Variants in A2M observed in about 807,000 individuals in gnomAD.
A2M encodes C3 and PZP-like alpha-2-macroglobulin domain-containing protein 5.
A2M carries 128 observed loss-of-function variants against 183.9 expected under a neutral mutation model. That is an observed-to-expected ratio of 0.70 (90% CI 0.60 to 0.81). The LOEUF (loss-of-function observed/expected upper bound fraction) is 0.81, where lower values mean the gene tolerates loss of function less well. Among genes scored for constraint, A2M ranks in the 30% least tolerant of loss-of-function variants. A2M has a pLI of 0.00. For synonymous variants in A2M, 592 were observed against 670.8 expected (o/e 0.88, Z 1.81); for missense variants, 1,495 against 1,787.6 (o/e 0.84, Z 2.95).
intron 34 of A2M, 130 bp from the exon 35 acceptor site, chr12:9,068,354 G>T: frequency 2.2e-6 from 2 of 916,352 alleles, no homozygotes; most frequent in Non-Finnish European, 3.3e-6. Flanking sequence ...AGAAACATAA[G>T]CATCATTCAT....
intron 19 of A2M, 33 bp from the exon 20 acceptor site, chr12:9,090,515 G>A: frequency 6.2e-7 from 1 of 1,608,002 alleles, no homozygotes. Flanking sequence ...GAGTAGAGAG[G>A]GAAGGAGAAC....
chr12:9,097,637 T>C (rs1007795058), intron 15 of A2M, among the ~76,000 whole-genome samples: 1 of 149,602 alleles, frequency 6.7e-6, no homozygotes, highest in Non-Finnish European at 1.5e-5. Flanking sequence ...TAATTCTTTT[T>C]TTTTTTTTTT....
At chr12:9,115,562 C>A in intron 1 of A2M, 1 of 515,744 alleles carries the variant, frequency 1.9e-6, no homozygotes, top group South Asian at 2.3e-5. Flanking sequence ...GAAGGCTTTG[C>A]ATATTAGAGC....
rs767820796 is a variant in A2M, at chr12:9,085,952, T to C, written c.2770+3248A>G. ...CTACCAAGACTGAATCATGAAGAAA[T>C]AGAAAATCTGAACTGACAAATAATG... On this transcript the variant is annotated intron_variant, in intron 22 of 35. Coordinates refer to ENST00000318602, the MANE Select transcript of A2M (RefSeq NM_000014.6). 2.0e-5 allele frequency among the ~76,000 whole-genome samples: 3 copies of C among 152,166 alleles called. No homozygotes were observed. The South Asian group carries it at 6.2e-4, about 32-fold the overall frequency.
intron 1 of A2M, chr12:9,115,112 CATT>C (rs71453670): frequency 0.36 from 53,943 of 151,830 alleles, 10,009 homozygotes; most frequent in African/African-American, 0.41. Flanking sequence ...ACAATTGCAT[CATT>C]GTTACCACTT....
Position 9,076,839 on chromosome 12 carries a change from A to C in A2M, c.3449T>G (p.Leu1150Arg). 1 of 1,614,064 alleles carries C rather than the reference A, an allele frequency of 6.2e-7. No homozygotes were observed. The highest frequency in any genetic ancestry group is 8.5e-7 in the Non-Finnish European group (1 of 1,179,984). The change falls in exon 28 of 36, where the codon CTG (leucine) becomes CGG (arginine). Residue 1150 changes from leucine to arginine, a missense_variant. Coordinates refer to ENST00000318602, the MANE Select transcript of A2M (RefSeq NM_000014.6). ...HGSHVYTKALLAYAFALAGNQ... is the reference protein window; with the variant it reads ...HGSHVYTKALRAYAFALAGNQ... Reference sequence around the variant, plus strand: ...ACCTGCCAGGGCAAAAGCATAGGCCAGCAGTGCTTTGGTATATACATGGCT... The same window carrying C: ...ACCTGCCAGGGCAAAAGCATAGGCCCGCAGTGCTTTGGTATATACATGGCT...
In A2M at chr12:9,090,379, C is replaced by G; in HGVS notation, c.2573G>C (p.Trp858Ser). Residue 858 changes from tryptophan (W) to serine (S), a missense_variant, in exon 20 of 36, where the codon TGG becomes TCG. By Grantham distance (177) the Trp-to-Ser change is radical (BLOSUM62 -3). Coordinates refer to ENST00000318602, the MANE Select transcript of A2M (RefSeq NM_000014.6). ...ACCTAATGACTTTGGGGTTACTGCCCAGGACACAGTTTGCCGCCCGTTTGC... is the reference window on the plus strand; with the variant it reads ...ACCTAATGACTTTGGGGTTACTGCCGAGGACACAGTTTGCCGCCCGTTTGC... Reference protein sequence around the residue: ...ICANGRQTVSWAVTPKSLGNV... With the variant: ...ICANGRQTVSSAVTPKSLGNV... The G allele has an allele frequency of 6.2e-7, 1 of 1,613,970 alleles. No individual in the cohort carries two copies. Among genetic ancestry groups the G allele is most frequent in the Non-Finnish European group, 8.5e-7 (1 of 1,179,884 alleles).
rs1949203543 is a variant in A2M at position 9,091,246 on chromosome 12, G to A, written c.2424C>T (p.Phe808=). The A allele has an allele frequency of 6.2e-7, 1 of 1,614,076 alleles. No individual in the cohort carries two copies. The highest frequency in any genetic ancestry group is 1.3e-5 in the African/African-American group (1 of 74,918). Residue 808 remains phenylalanine (F), a synonymous_variant, in exon 19 of 36, where the codon TTC becomes TTT. Transcript: ENST00000318602. ...AGTTTAGGACCGTGGCCTTGAGTGT[G>A]AAGGCCTCTCCACGAATCACAGAGT... The part of the protein sequence containing the change: ...MPYSVIRGEA[F]TLKATVLNYL...
rs1305238112 is a variant in A2M at position 9,093,564 on chromosome 12, C to G, written c.2141G>C (p.Gly714Ala). ...ATGCACCAGGCGTGCATGGCCTCTT[C>G]CCATTACATCTGACTCTATGGTGAG... is the stretch of plus-strand genomic sequence containing the variant. ...RVGFYESDVM[G>A]RGHARLVHVE... The change falls in exon 18 of 36, where the codon GGA becomes GCA. Residue 714 changes from glycine (G) to alanine (A), a missense_variant. Gly to Ala is a moderately conservative substitution (Grantham distance 60, BLOSUM62 0). Transcript: ENST00000318602. 6.3e-7 allele frequency: 1 copy of G among 1,599,756 alleles called. No individual in the cohort carries two copies. Among genetic ancestry groups the G allele is most frequent in the Non-Finnish European group, 8.5e-7 (1 of 1,173,208 alleles).
chr12:9,089,301 CAT>C (rs1565588842), intron 21 of A2M, 50 bp from the exon 22 acceptor site: 1 of 1,337,482 alleles, frequency 7.5e-7, no homozygotes, highest in African/African-American at 1.4e-5. Flanking sequence ...ACCTTCAGAA[CAT>C]GTGTTTTAAT....
intron 29 of A2M, among the ~76,000 whole-genome samples, chr12:9,074,115 A>G (rs1948664604): frequency 6.8e-6 from 1 of 148,062 alleles, no homozygotes; most frequent in Non-Finnish European, 1.5e-5. Flanking sequence ...AAAGGTGAAT[A>G]GGGGAAGCAC....
In A2M at chr12:9,113,491, C is replaced by T; in HGVS notation, c.139G>A (p.Gly47Ser). Residue 47 changes from glycine (G) to serine (S), a missense_variant, in exon 2 of 36, where the codon GGC (glycine) becomes AGC (serine). Transcript: ENST00000318602. ...SLLHTETTEK[G>S]CVLLSYLNET... ...TTCAGGTAGCTCAGAAGGACACAGC[C>T]CTTCTCAGTGGTCTCAGTGTGGAGC... The T allele has an allele frequency of 6.2e-7, 1 of 1,613,870 alleles. No individual in the cohort carries two copies. The highest frequency in any genetic ancestry group is 1.1e-5 in the South Asian group (1 of 91,050).
Position 9,076,910 on chromosome 12 carries a change from A to G in A2M, c.3378T>C (p.Phe1126=). 1.9e-6 allele frequency: 3 copies of G among 1,606,412 alleles called. No individual in the cohort carries two copies. Among genetic ancestry groups the G allele is most frequent in the Non-Finnish European group, 2.6e-6 (3 of 1,175,788 alleles). The change falls in exon 28 of 36, where the codon TTT becomes TTC. Residue 1126 remains phenylalanine (F), a synonymous_variant. Transcript: ENST00000318602. ...CTGTCTTCCAGGCTGACTCCAGGCA[A>G]AACAGGGCATTGCGGACAACAGGGT... ...VTHPVVRNAL[F]CLESAWKTAQ...
At chr12:9,090,811 TAAACAGTTATG>T (rs1949187925) in intron 19 of A2M, among the ~76,000 whole-genome samples, 1 of 152,200 alleles carries the variant, frequency 6.6e-6, no homozygotes, top group Non-Finnish European at 1.5e-5. Context: ...ACAAGACTTA[TAAACAGTTATG>T]GTTTCAGCAA....
intron 32 of A2M, among the ~76,000 whole-genome samples, chr12:9,070,172 C>T (rs1338684356): frequency 6.6e-6 from 1 of 152,076 alleles, no homozygotes; most frequent in Non-Finnish European, 1.5e-5. Flanking sequence ...ATAGTTTATG[C>T]CAATCAGTCA....
At chr12:9,099,150 A>G (rs1389225168) in intron 14 of A2M, among the ~76,000 whole-genome samples, 2 of 152,164 alleles carry the variant, frequency 1.3e-5, no homozygotes, top group Non-Finnish European at 2.9e-5. Flanking sequence ...AGGGAATAAC[A>G]TACTCTGAAC....
intron 29 of A2M, among the ~76,000 whole-genome samples, chr12:9,073,554 GT>G (rs1261206804): frequency 1.3e-5 from 2 of 152,002 alleles, no homozygotes; most frequent in Non-Finnish European, 2.9e-5. Context: ...AAATTACTTA[GT>G]TTTTTTCATT....
At chr12:9,082,649 T>C (rs1341155163) in intron 22 of A2M, among the ~76,000 whole-genome samples, 3 of 152,130 alleles carry the variant, frequency 2.0e-5, no homozygotes, top group African/African-American at 7.2e-5. Context: ...TTATGAAGAA[T>C]CAAGGAATGA....
intron 21 of A2M, 87 bp from the exon 22 acceptor site, chr12:9,089,338 G>C (rs1367648378): frequency 5.9e-5 from 56 of 953,420 alleles, no homozygotes; most frequent in Non-Finnish European, 9.2e-5. Context: ...TATTTGGATA[G>C]TGAAGAGAAG....
Sources: gnomAD v4.1 joint callset for allele counts (sites outside exome capture counted in the v4.1 genomes callset) on GRCh38, gnomAD v4.1.1 for gene constraint, MANE v1.5 for transcripts, NCBI Gene and HGNC (gene_info 2026-07-23, HGNC 2026-07-21) for gene names.